Variants in NELL2 observed in about 807,000 individuals in gnomAD.
NELL2 encodes protein kinase C-binding protein NELL2.
Under a neutral mutation model 109.6 loss-of-function variants are expected in NELL2, and 41 were observed. That is an observed-to-expected ratio of 0.37 (90% confidence interval 0.29 to 0.49). The LOEUF (loss-of-function observed/expected upper bound fraction) is 0.49, where lower values mean the gene tolerates loss of function less well. NELL2 is among the 20% of genes least tolerant of loss of function. NELL2 has a pLI of 0.98. For missense variants in NELL2, 900 were observed against 1,008.3 expected (o/e 0.89, Z 1.45); for synonymous variants, 355 against 344.7 (o/e 1.03, Z -0.33).
At chr12:44,536,203 T>C (rs1320649265) in intron 15 of NELL2, among the ~76,000 whole-genome samples, 1 of 152,006 alleles carries the variant, frequency 6.6e-6, no homozygotes, top group Non-Finnish European at 1.5e-5. Context: ...CTGTAAGTGA[T>C]TTGATGGTAT....
At chr12:44,871,954 T>G (rs1473194046) in intron 2 of NELL2, among the ~76,000 whole-genome samples, 2 of 152,330 alleles carry the variant, frequency 1.3e-5, no homozygotes, top group African/African-American at 4.8e-5. Context: ...CAGAGGAAAT[T>G]ATCTACTTTG....
Position 44,508,474 on chromosome 12 carries a change from C to G in NELL2, c.*460G>C, listed in dbSNP as rs1688345922. The stretch of plus-strand genomic sequence containing the variant: ...GTTTCAGATTTCTTTTCAGAGTGTA[C>G]TGTACATAACATGTTATAGCTTCTT... On this transcript the variant is annotated 3_prime_UTR_variant, in exon 20 of 20. Coordinates refer to ENST00000429094, the MANE Select transcript of NELL2 (RefSeq NM_001145108.2). 6.5e-6 allele frequency: 1 copy of G among 153,358 alleles called. No homozygotes were observed. The highest frequency in any genetic ancestry group is 1.5e-5 in the Non-Finnish European group (1 of 68,644). 9.5% of individuals were successfully genotyped at this position (153,358 alleles called of 1,614,324 possible).
intron 12 of NELL2, among the ~76,000 whole-genome samples, chr12:44,695,408 A>C (rs1023915078): frequency 6.6e-6 from 1 of 152,168 alleles, no homozygotes; most frequent in African/African-American, 2.4e-5. Context: ...AACTAGATTC[A>C]ATAATTAGTC....
intron 13 of NELL2, among the ~76,000 whole-genome samples, chr12:44,621,686 T>C (rs111452071): frequency 1.6e-3 from 237 of 147,450 alleles, no homozygotes; most frequent in African/African-American, 5.3e-3. Context: ...CTCATTGTTA[T>C]TGTGCTCGAA....
chr12:44,531,132 T>A (rs1942034566), intron 16 of NELL2, among the ~76,000 whole-genome samples: 1 of 151,964 alleles, frequency 6.6e-6, no homozygotes, highest in African/African-American at 2.4e-5. Context: ...CTAACCCAAA[T>A]TAAACATAGG....
At chr12:44,617,561 G>C (rs1286700126) in intron 13 of NELL2, among the ~76,000 whole-genome samples, 1 of 134,214 alleles carries the variant, frequency 7.5e-6, no homozygotes, top group Non-Finnish European at 1.5e-5. Flanking sequence ...GCGTAGTGGC[G>C]GGCGCCTGTA....
chr12:44,647,448 T>C (rs538865235), intron 13 of NELL2, among the ~76,000 whole-genome samples: 78 of 152,268 alleles, frequency 5.1e-4, no homozygotes, highest in Middle Eastern at 3.4e-3. Context: ...ATCTGCTGCA[T>C]AGAGATGAAA....
chr12:44,693,182 A>G (rs1256919012), intron 12 of NELL2, among the ~76,000 whole-genome samples: 3 of 152,208 alleles, frequency 2.0e-5, no homozygotes, highest in East Asian at 1.9e-4. Flanking sequence ...GTCAGCAGCC[A>G]TCAACATTGA....
intron 18 of NELL2, among the ~76,000 whole-genome samples, chr12:44,521,529 C>CAAAAAAAAAAAAAAAAAAAAAAAAAA (rs56713964): frequency 1.8e-5 from 2 of 111,432 alleles, no homozygotes; most frequent in African/African-American, 8.2e-5. Context: ...GACTCCGTCT[C>CAAAAAAAAAAAAAAAAAAAAAAAAAA]AAAAAAAAAA....
At chr12:44,791,781 T>C (rs1942443872) in intron 3 of NELL2, among the ~76,000 whole-genome samples, 1 of 152,082 alleles carries the variant, frequency 6.6e-6, no homozygotes, top group Non-Finnish European at 1.5e-5. Context: ...TAAATGTAGA[T>C]ATGTTATATT....
At chr12:44,704,737 G>A (rs1384503027) in intron 11 of NELL2, among the ~76,000 whole-genome samples, 1 of 152,144 alleles carries the variant, frequency 6.6e-6, no homozygotes, top group Non-Finnish European at 1.5e-5. Context: ...GAAAGAAGGT[G>A]GCTGGGCATG....
intron 9 of NELL2, among the ~76,000 whole-genome samples, chr12:44,743,487 A>G (rs1468860679): frequency 1.5e-5 from 2 of 135,222 alleles, no homozygotes; most frequent in African/African-American, 5.7e-5. Context: ...AAATGCCCCA[A>G]TTAAAAGACA....
At chr12:44,613,807 A>G (rs922998071) in intron 13 of NELL2, among the ~76,000 whole-genome samples, 5 of 152,072 alleles carry the variant, frequency 3.3e-5, no homozygotes, top group African/African-American at 1.2e-4. Flanking sequence ...TAAATAGATA[A>G]TTATTAGTGC....
chr12:44,913,100 G>A (rs1359767893), intron 1 of NELL2, among the ~76,000 whole-genome samples: 3 of 152,162 alleles, frequency 2.0e-5, no homozygotes, highest in Non-Finnish European at 4.4e-5. Context: ...TGGGGTCATA[G>A]GGAGTGTTTT....
chr12:44,915,764 T>C (rs927250540), upstream of NELL2, among the ~76,000 whole-genome samples: 1 of 152,182 alleles, frequency 6.6e-6, no homozygotes, highest in African/African-American at 2.4e-5. Context: ...GACTGCCATC[T>C]GCATTTTGTA....
rs1346234588 is a variant in NELL2 at position 44,540,135 on chromosome 12, A to G, written c.1664-7414T>C. 3.3e-5 allele frequency among the ~76,000 whole-genome samples: 5 copies of G among 152,308 alleles called. No individual in the cohort carries two copies. The South Asian group carries it at 6.2e-4, about 19-fold the overall frequency. On this transcript the variant is annotated intron_variant, in intron 15 of 19. Transcript: ENST00000429094. ...ACCTGTTTAATTATATGTATTTTTA[A>G]ACAAAAAGAATACATCAACACCTCT...
rs373623168 is a variant in NELL2 at position 44,757,433 on chromosome 12, C to G, written c.994+17314G>C. Reference sequence around the variant, plus strand: ...GGATAAATATCGAAGTCTTTTAACACCACAACAGCCCACATTATCTGGTCA... The same window carrying G: ...GGATAAATATCGAAGTCTTTTAACAGCACAACAGCCCACATTATCTGGTCA... On this transcript the variant is annotated intron_variant, in intron 9 of 19. Transcript: ENST00000429094. Among the ~76,000 whole-genome samples the G allele has an allele frequency of 3.2e-4, 49 of 152,144 alleles. No homozygotes were observed. The South Asian group carries it at 8.3e-3, about 26-fold the overall frequency.
At chr12:44,631,156 C>A (rs1946443198) in intron 13 of NELL2, among the ~76,000 whole-genome samples, 1 of 150,990 alleles carries the variant, frequency 6.6e-6, no homozygotes, top group South Asian at 2.1e-4. Context: ...TAAGTTCTTT[C>A]AAAATAGGTC....
intron 3 of NELL2, among the ~76,000 whole-genome samples, chr12:44,803,595 G>A (rs1410115778): frequency 6.6e-6 from 1 of 151,894 alleles, no homozygotes; most frequent in Admixed American, 6.6e-5. Context: ...TAGGTTTGCA[G>A]CTATTTCAAT....
Sources: allele counts gnomAD v4.1 joint callset (sites outside exome capture counted in the v4.1 genomes callset), GRCh38; gene constraint gnomAD v4.1.1; transcripts MANE v1.5; gene names NCBI Gene and HGNC (gene_info 2026-07-23, HGNC 2026-07-21).